COL28A1: variants seen among roughly 807,000 people sequenced by gnomAD.
COL28A1 encodes collagen type XXVIII alpha 1 chain.
COL28A1 carries 161 observed loss-of-function variants against 150.2 expected under a neutral mutation model. The observed-to-expected ratio is 1.07, with a 90% CI of 0.94 to 1.22. The LOEUF is 1.22. Ranked by LOEUF, COL28A1 falls within the 50% of genes most tolerant of loss-of-function variation. The pLI, the probability that COL28A1 is intolerant of heterozygous loss-of-function variation, is 0.00. For missense variants in COL28A1, 1,617 were observed against 1,388.3 expected (o/e 1.16, Z -2.62); for synonymous variants, 552 against 469.7 (o/e 1.18, Z -2.26).
chr7:7,437,529 A>G (rs1785433263), intron 21 of COL28A1, 67 bp from the exon 22 acceptor site: 4 of 1,537,890 alleles, frequency 2.6e-6, no homozygotes, highest in Non-Finnish European at 3.5e-6. Context: ...AATATTAAGA[A>G]AAGTACAGAA....
rs1272884843 is a variant in COL28A1 at position 7,358,704 on chromosome 7, T to C, written c.3307A>G (p.Ser1103Gly). 1.9e-6 allele frequency: 3 copies of C among 1,614,080 alleles called. No homozygotes were observed. The highest frequency in any genetic ancestry group is 2.5e-6 in the Non-Finnish European group (3 of 1,179,968). The change falls in exon 35 of 35, where the codon AGT (serine) becomes GGT (glycine). Residue 1103 changes from serine to glycine, a missense_variant. Ser to Gly is a moderately conservative substitution (Grantham distance 56, BLOSUM62 0). Coordinates refer to ENST00000399429, the MANE Select transcript of COL28A1 (RefSeq NM_001037763.3). Reference sequence around the variant, plus strand: ...CTATTTCCTGAGCCATTACAGCCACTGAACCAAAATCGGGCACAAGAGTTG... The same window carrying C: ...CTATTTCCTGAGCCATTACAGCCACCGAACCAAAATCGGGCACAAGAGTTG... ...QVNSCARFWF[S>G]GCNGSGNRFN...
At chr7:7,440,356 C>G (rs543758747) in intron 21 of COL28A1, among the ~76,000 whole-genome samples, 1 of 152,184 alleles carries the variant, frequency 6.6e-6, no homozygotes, top group African/African-American at 2.4e-5. Context: ...ATAATTGAAG[C>G]GACTTGCTCC....
chr7:7,521,962 C>A lies in COL28A1; in HGVS notation c.703-1G>T. On this transcript the variant is annotated splice_acceptor_variant, in intron 4 of 34. Coordinates refer to ENST00000399429, the MANE Select transcript of COL28A1 (RefSeq NM_001037763.3). LOFTEE classifies it high-confidence loss of function. ...CACATTCACAAATCTTGCGTTCACA[C>A]TGAATCAATAATGAAATATGATATT... 3 of 1,033,954 alleles carry A rather than the reference C, an allele frequency of 2.9e-6. No homozygotes were observed. In the Admixed American group the frequency reaches 5.1e-5, roughly 17 times the overall value. 64.0% of individuals were successfully genotyped at this position (1,033,954 alleles called of 1,614,324 possible).
chr7:7,432,359 A>C, intron 25 of COL28A1, 114 bp downstream of exon 25: 1 of 743,966 alleles, frequency 1.3e-6, no homozygotes, highest in South Asian at 1.8e-5. Flanking sequence ...AACTTTATCA[A>C]TTATTTCAGA....
intron 8 of COL28A1, chr7:7,511,612 T>G: frequency 6.2e-6 from 2 of 322,246 alleles, no homozygotes; most frequent in Non-Finnish European, 1.3e-5. Context: ...TTGGAATTCC[T>G]ATTTTTTCAA....
chr7:7,339,726 A>C, the COL28A1 span, among the ~76,000 whole-genome samples: 2 of 152,178 alleles, frequency 1.3e-5, no homozygotes, highest in African/African-American at 4.8e-5. Context: ...CATGAGAATC[A>C]CCATGCTGTG....
the COL28A1 span, among the ~76,000 whole-genome samples, chr7:7,339,069 C>T: frequency 6.6e-6 from 1 of 152,086 alleles, no homozygotes; most frequent in African/African-American, 2.4e-5. Flanking sequence ...CACGAGTGAG[C>T]ACAGCCAGGC....
At chr7:7,511,611 C>T (rs1781138532) in intron 8 of COL28A1, 1 of 315,370 alleles carries the variant, frequency 3.2e-6, no homozygotes, top group South Asian at 2.9e-5. Flanking sequence ...CTTGGAATTC[C>T]TATTTTTTCA....
At chr7:7,399,642 G>C (rs887941381) in intron 27 of COL28A1, among the ~76,000 whole-genome samples, 1 of 137,296 alleles carries the variant, frequency 7.3e-6, no homozygotes, top group Admixed American at 6.8e-5. Flanking sequence ...ATATGGAAAA[G>C]AAATAATAAA....
chr7:7,369,697 T>C (rs766485347), intron 33 of COL28A1, among the ~76,000 whole-genome samples: 2 of 152,232 alleles, frequency 1.3e-5, no homozygotes, highest in Non-Finnish European at 2.9e-5. Flanking sequence ...CCCTTAGGAA[T>C]GGTATCCTAG....
chr7:7,402,697 C>A (rs1051489096), intron 27 of COL28A1, among the ~76,000 whole-genome samples: 2 of 152,144 alleles, frequency 1.3e-5, no homozygotes, highest in Non-Finnish European at 2.9e-5. Context: ...CTTATTTTCT[C>A]CCCCACTGTA....
Position 7,448,396 on chromosome 7 carries a change from T to G in COL28A1, c.1510-3907A>C, listed in dbSNP as rs1211363467. Among the ~76,000 whole-genome samples, 4 of 151,904 alleles carry G rather than the reference T, an allele frequency of 2.6e-5. 1 individual carries two copies. In the East Asian group the frequency reaches 7.7e-4, roughly 29 times the overall value. Reference sequence around the variant, plus strand: ...CAAGTGAGAAGACAATAGAACAACATCTTAAAAGTACTAAAAGGAAGAAAA... The same window carrying G: ...CAAGTGAGAAGACAATAGAACAACAGCTTAAAAGTACTAAAAGGAAGAAAA... On this transcript the variant is annotated intron_variant, in intron 18 of 34. Coordinates refer to ENST00000399429, the MANE Select transcript of COL28A1 (RefSeq NM_001037763.3).
rs1300205225 is a variant in COL28A1 at position 7,519,999 on chromosome 7, G to C, written c.813+63C>G. ...AATGCTTTTTATTTTTAAAATTGTT[G>C]TTTTAAAAAAAAAGTCTAGAAGGAG... is the stretch of plus-strand genomic sequence containing the variant. On this transcript the variant is annotated intron_variant, in intron 6 of 34. Transcript: ENST00000399429. 7.3e-6 allele frequency: 6 copies of C among 821,982 alleles called. No individual in the cohort carries two copies. The African/African-American group carries it at 8.8e-5, about 12-fold the overall frequency. 50.9% of individuals were successfully genotyped at this position (821,982 alleles called of 1,614,324 possible).
intron 27 of COL28A1, among the ~76,000 whole-genome samples, chr7:7,416,043 T>G (rs1412917102): frequency 2.6e-5 from 4 of 152,192 alleles, no homozygotes; most frequent in Non-Finnish European, 5.9e-5. Context: ...CCTCAAGTGA[T>G]CTGCCTGCCT....
the COL28A1 span, among the ~76,000 whole-genome samples, chr7:7,347,753 A>C: frequency 6.6e-6 from 1 of 152,118 alleles, no homozygotes; most frequent in Middle Eastern, 3.2e-3. Context: ...GTACAAAGAC[A>C]CAAAGGCAAA....
intron 18 of COL28A1, among the ~76,000 whole-genome samples, chr7:7,445,936 G>T (rs188737229): frequency 3.3e-5 from 5 of 150,310 alleles, no homozygotes; most frequent in Non-Finnish European, 5.9e-5. Context: ...TCAGCTCACC[G>T]CTACCTCCGC....
chr7:7,510,366 C>T (rs970742518), intron 9 of COL28A1, among the ~76,000 whole-genome samples: 5 of 152,128 alleles, frequency 3.3e-5, no homozygotes, highest in African/African-American at 9.7e-5. Flanking sequence ...CTCACTGCAA[C>T]GTCTGCCTCC....
chr7:7,388,911 G>A (rs1782365352), intron 27 of COL28A1, among the ~76,000 whole-genome samples: 1 of 152,052 alleles, frequency 6.6e-6, no homozygotes, highest in African/African-American at 2.4e-5. Context: ...TTGTCAGATG[G>A]ATAGATAGCA....
rs773975259 is a variant in COL28A1, at chr7:7,360,473, G to A, written c.3122C>T (p.Ala1041Val). 2 of 1,609,946 alleles carry A rather than the reference G, an allele frequency of 1.2e-6. No individual in the cohort carries two copies. Among genetic ancestry groups the A allele is most frequent in the South Asian group, 2.2e-5 (2 of 90,138 alleles). ...EDDKAPEPTW[A>V]DDLPATTSSE... ...TGAGGTAGTGGCAGGCAGATCATCAGCCCACGTTGGCTCTGGAGCCTTATC... is the reference window on the plus strand; with the variant it reads ...TGAGGTAGTGGCAGGCAGATCATCAACCCACGTTGGCTCTGGAGCCTTATC... Residue 1041 changes from alanine to valine, a missense_variant, in exon 34 of 35, where the codon GCT becomes GTT. Ala to Val is a moderately conservative substitution (Grantham distance 64, BLOSUM62 0). Coordinates refer to ENST00000399429, the MANE Select transcript of COL28A1 (RefSeq NM_001037763.3).
Sources: allele counts gnomAD v4.1 joint callset (sites outside exome capture counted in the v4.1 genomes callset), GRCh38; gene constraint gnomAD v4.1.1; transcripts MANE v1.5; gene names NCBI Gene and HGNC (gene_info 2026-07-23, HGNC 2026-07-21).